Variants in ADD3 observed in about 807,000 individuals in gnomAD.
ADD3 encodes the protein adducin 3, also known as gamma-adducin.
In ADD3, 25 loss-of-function variants were observed where a neutral mutation model predicts 80.2. The observed-to-expected ratio is 0.31, with a 90% CI of 0.23 to 0.44. The LOEUF (loss-of-function observed/expected upper bound fraction) is 0.44. Among genes scored for constraint, ADD3 ranks in the 20% least tolerant of loss-of-function variants. ADD3 has a pLI of 1.00. For missense variants in ADD3, 829 were observed against 847.5 expected, an observed-to-expected ratio of 0.98 and a Z score of 0.27; for synonymous variants, 284 against 289.6, an observed-to-expected ratio of 0.98 and a Z score of 0.20.
chr10:110,058,385 C>A (rs1858471542), intron 1 of ADD3, among the ~76,000 whole-genome samples: 1 of 152,194 alleles, frequency 6.6e-6, no homozygotes, highest in African/African-American at 2.4e-5. Flanking sequence ...AGGGCAAGAT[C>A]TCAGAATTCC....
chr10:110,093,810 G>A, intron 1 of ADD3, among the ~76,000 whole-genome samples: 1 of 152,116 alleles, frequency 6.6e-6, no homozygotes, highest in East Asian at 1.9e-4. Flanking sequence ...GATACTAAGT[G>A]TCTTTATGGT....
intron 1 of ADD3, among the ~76,000 whole-genome samples, chr10:110,057,037 A>G (rs1858281617): frequency 6.6e-6 from 1 of 152,170 alleles, no homozygotes; most frequent in Non-Finnish European, 1.5e-5. Flanking sequence ...TAGGTTCTTA[A>G]CAGTTTCCAA....
chr10:110,075,871 C>T (rs1375248584), intron 1 of ADD3, among the ~76,000 whole-genome samples: 2 of 152,144 alleles, frequency 1.3e-5, no homozygotes, highest in African/African-American at 4.8e-5. Context: ...AGAGTGACCT[C>T]ATAATCCAAC....
chr10:110,108,242 T>A (rs919338352), intron 2 of ADD3, among the ~76,000 whole-genome samples: 7 of 152,074 alleles, frequency 4.6e-5, no homozygotes, highest in South Asian at 2.1e-4. Flanking sequence ...ATATATATAT[T>A]TTTGCTTTAT....
intron 1 of ADD3, among the ~76,000 whole-genome samples, chr10:110,057,008 C>G (rs549784290): frequency 6.6e-6 from 1 of 152,264 alleles, no homozygotes; most frequent in Non-Finnish European, 1.5e-5. Flanking sequence ...TTCCTGTGGT[C>G]AGTGATACAG....
intron 1 of ADD3, among the ~76,000 whole-genome samples, chr10:110,051,516 T>C (rs756409033): frequency 1.2e-4 from 19 of 152,174 alleles, no homozygotes; most frequent in African/African-American, 2.4e-4. Context: ...ATGCCTGTTA[T>C]AGGGAATTTG....
At chr10:110,082,025 G>A (rs1419907533) in intron 1 of ADD3, among the ~76,000 whole-genome samples, 3 of 152,316 alleles carry the variant, frequency 2.0e-5, no homozygotes, top group South Asian at 4.1e-4. Context: ...GGTCTGTTAC[G>A]CAGTCCCAGA....
intron 1 of ADD3, among the ~76,000 whole-genome samples, chr10:110,037,546 A>G (rs918720166): frequency 6.7e-6 from 1 of 149,826 alleles, no homozygotes; most frequent in African/African-American, 2.5e-5. Context: ...CGGAGGTTGC[A>G]GTGAGCCGAG....
intron 8 of ADD3, among the ~76,000 whole-genome samples, chr10:110,119,863 A>G (rs1851237459): frequency 6.6e-6 from 1 of 152,186 alleles, no homozygotes; most frequent in South Asian, 2.1e-4. Flanking sequence ...TAGTGGTGGT[A>G]CTAATTAAGG....
chr10:110,049,013 C>T (rs1000802496), intron 1 of ADD3, among the ~76,000 whole-genome samples: 6 of 152,190 alleles, frequency 3.9e-5, no homozygotes, highest in Non-Finnish European at 8.8e-5. Flanking sequence ...CCCAGAGTCC[C>T]CCTGCTGTGT....
Position 110,128,653 on chromosome 10 carries a change from G to T in ADD3, c.1609-1710G>T, listed in dbSNP as rs550822174. On this transcript the variant is annotated intron_variant, in intron 12 of 14. Coordinates refer to ENST00000356080, the MANE Select transcript of ADD3 (RefSeq NM_016824.5). ...AGGATGGTTTCAATCTCCTGACCTC[G>T]TGATCTGCCCGCCTTGGCCTCCCAA... Among the ~76,000 whole-genome samples, 113 of 152,226 alleles carry T rather than the reference G, an allele frequency of 7.4e-4. 1 individual carries two copies. Among genetic ancestry groups the T allele is most frequent in the African/African-American group, 2.7e-3 (112 of 41,544 alleles).
At chr10:110,119,873 G>A (rs1851239571) in intron 8 of ADD3, among the ~76,000 whole-genome samples, 1 of 152,268 alleles carries the variant, frequency 6.6e-6, no homozygotes, top group South Asian at 2.1e-4. Flanking sequence ...ACTAATTAAG[G>A]AAGAAAAACA....
intron 1 of ADD3, among the ~76,000 whole-genome samples, chr10:110,059,314 A>G (rs1858586507): frequency 6.6e-6 from 1 of 152,140 alleles, no homozygotes; most frequent in African/African-American, 2.4e-5. Flanking sequence ...TAAACTAAAA[A>G]TACAAAAATT....
At chr10:110,065,543 T>TTTTTTTTTTTTC (rs1554928330) in intron 1 of ADD3, among the ~76,000 whole-genome samples, 5,972 of 81,622 alleles carry the variant, frequency 0.073, 1,295 homozygotes, top group African/African-American at 0.25. Flanking sequence ...TCTCCCCTTT[T>TTTTTTTTTTTTC]TTTTTTTTTT....
intron 1 of ADD3, among the ~76,000 whole-genome samples, chr10:110,070,867 T>C (rs1358780047): frequency 7.2e-5 from 11 of 151,786 alleles, no homozygotes; most frequent in African/African-American, 2.4e-4. Context: ...TCTTGTCATA[T>C]ACAGGCAGCC....
Position 110,124,404 on chromosome 10 carries a change from T to G in ADD3, c.1401+130T>G, listed in dbSNP as rs1851884396. 6 of 1,119,574 alleles carry G rather than the reference T, an allele frequency of 5.4e-6. No homozygotes were observed. In the East Asian group the frequency reaches 1.6e-4, roughly 29 times the overall value. The allele number at this position is 1,119,574 out of a possible 1,614,324, so 69.4% of individuals were successfully genotyped here. ...AAAATATTACTGTCACTTATCTGGC[T>G]TTAACTTTGTGCAAGACACTCTTCT... On this transcript the variant is annotated intron_variant, in intron 10 of 14. Coordinates refer to ENST00000356080, the MANE Select transcript of ADD3 (RefSeq NM_016824.5).
chr10:110,010,037 G>C (rs1335935667), intron 1 of ADD3, among the ~76,000 whole-genome samples: 2 of 152,216 alleles, frequency 1.3e-5, no homozygotes, highest in Non-Finnish European at 2.9e-5. Context: ...ACACTTTGCT[G>C]TCTCACCCCT....
chr10:110,121,969 G>A lies in ADD3; in HGVS notation c.961-141G>A, dbSNP rs55938473. The A allele has an allele frequency of 5.6e-3, 3,388 of 608,302 alleles. 13 individuals are homozygous for A. Among genetic ancestry groups the A allele is most frequent in the South Asian group, 0.016 (468 of 29,324 alleles). 37.7% of individuals were successfully genotyped at this position (608,302 alleles called of 1,614,324 possible). Reference sequence around the variant, plus strand: ...ACTTCAGCTGTCTGCTGGCACAAGAGTGTCATCTTGTCTTTGTTGTTAGTA... The same window carrying A: ...ACTTCAGCTGTCTGCTGGCACAAGAATGTCATCTTGTCTTTGTTGTTAGTA... On this transcript the variant is annotated intron_variant, in intron 8 of 14. Transcript: ENST00000356080.
chr10:110,128,227 G>C (rs1184138993), intron 12 of ADD3, among the ~76,000 whole-genome samples: 1 of 151,600 alleles, frequency 6.6e-6, no homozygotes, highest in African/African-American at 2.4e-5. Context: ...TTCTTCAAGA[G>C]TGTTTTCTTC....
Sources: gnomAD v4.1 joint callset for allele counts (sites outside exome capture counted in the v4.1 genomes callset) on GRCh38, gnomAD v4.1.1 for gene constraint, MANE v1.5 for transcripts, NCBI Gene and HGNC (gene_info 2026-07-23, HGNC 2026-07-21) for gene names.